The following SESN1 variants were observed in gnomAD, a reference collection of about 807,000 sequenced individuals.
The protein encoded by SESN1 is sestrin-1.
Under a neutral mutation model 59.3 loss-of-function variants are expected in SESN1, and 30 were observed. The observed-to-expected ratio is 0.51, with a 90% CI of 0.38 to 0.69. The LOEUF is 0.69. Among genes scored for constraint, SESN1 ranks in the 30% least tolerant of loss-of-function variants. SESN1 has a pLI of 0.00. For missense variants in SESN1, 566 were observed against 673.0 expected (o/e 0.84, Z 1.76); for synonymous variants, 197 against 219.9 (o/e 0.90, Z 0.92).
intron 1 of SESN1, among the ~76,000 whole-genome samples, chr6:109,013,687 AT>A (rs1779893189): frequency 1.3e-5 from 2 of 152,254 alleles, no homozygotes; most frequent in Non-Finnish European, 2.9e-5. Flanking sequence ...GTTAGAAAAC[AT>A]ACAGTAATGG....
chr6:109,066,487 T>C (rs1780828553), intron 1 of SESN1, among the ~76,000 whole-genome samples: 1 of 152,170 alleles, frequency 6.6e-6, no homozygotes, highest in African/African-American at 2.4e-5. Context: ...GTGGGTCTAC[T>C]CTATTTCCCT....
intron 1 of SESN1, among the ~76,000 whole-genome samples, chr6:109,057,040 G>A (rs1262776997): frequency 1.3e-5 from 2 of 152,098 alleles, no homozygotes; most frequent in African/African-American, 4.8e-5. Flanking sequence ...AGATCCCTAT[G>A]GTAAGGAACT....
intron 1 of SESN1, among the ~76,000 whole-genome samples, chr6:109,086,350 T>C (rs1781213562): frequency 6.6e-6 from 1 of 152,050 alleles, no homozygotes; most frequent in Non-Finnish European, 1.5e-5. Context: ...AGACTCCATC[T>C]CAAAAAACAA....
At chr6:109,093,276 G>A (rs1484099866) in intron 1 of SESN1, among the ~76,000 whole-genome samples, 1 of 152,106 alleles carries the variant, frequency 6.6e-6, no homozygotes, top group Non-Finnish European at 1.5e-5. Context: ...TCAACATGAA[G>A]ATATTAGCTT....
chr6:109,091,618 T>C (rs1562478875), intron 1 of SESN1, among the ~76,000 whole-genome samples: 1 of 152,246 alleles, frequency 6.6e-6, no homozygotes, highest in Non-Finnish European at 1.5e-5. Context: ...GTAATATTTA[T>C]TCATTTATCA....
At chr6:109,056,234 T>G (rs1463057198) in intron 1 of SESN1, among the ~76,000 whole-genome samples, 1 of 152,128 alleles carries the variant, frequency 6.6e-6, no homozygotes. Context: ...TAGGGAGACC[T>G]CATCTTTACA....
chr6:108,999,693 G>T (rs539803344), intron 4 of SESN1, among the ~76,000 whole-genome samples: 9 of 152,206 alleles, frequency 5.9e-5, no homozygotes, highest in African/African-American at 2.2e-4. Flanking sequence ...AACTGATACT[G>T]CCCTTTGGAA....
chr6:109,043,054 T>C (rs1269822351), intron 1 of SESN1, among the ~76,000 whole-genome samples: 2 of 152,140 alleles, frequency 1.3e-5, no homozygotes, highest in Non-Finnish European at 2.9e-5. Context: ...TGAAAATCAA[T>C]GCAATCTACC....
intron 1 of SESN1, among the ~76,000 whole-genome samples, chr6:109,018,074 T>G (rs1453621262): frequency 6.6e-6 from 1 of 152,214 alleles, no homozygotes; most frequent in East Asian, 1.9e-4. Context: ...GTTCTATGCT[T>G]TCAGCTAACT....
chr6:109,090,793 G>C (rs1218536744), intron 1 of SESN1: 1 of 152,222 alleles, frequency 6.6e-6, no homozygotes, highest in Non-Finnish European at 1.5e-5. Flanking sequence ...TTTGAAACAG[G>C]GTTTTGCTCT....
At chr6:108,994,913 C>A (rs1779472473) in intron 5 of SESN1, among the ~76,000 whole-genome samples, 3 of 152,018 alleles carry the variant, frequency 2.0e-5, no homozygotes, top group Non-Finnish European at 4.4e-5. Context: ...CCGTGTTAGC[C>A]AGGAATGGTC....
chr6:109,029,826 C>T (rs555887987), intron 1 of SESN1, among the ~76,000 whole-genome samples: 6 of 152,224 alleles, frequency 3.9e-5, no homozygotes, highest in African/African-American at 7.2e-5. Flanking sequence ...GCCATCACAC[C>T]CAGCTGCTGT....
chr6:109,076,601 G>A (rs1434636163), intron 1 of SESN1, among the ~76,000 whole-genome samples: 1 of 151,946 alleles, frequency 6.6e-6, no homozygotes, highest in Non-Finnish European at 1.5e-5. Flanking sequence ...AGATAAAAGG[G>A]GGCCACAAAA....
At chr6:109,043,122 AT>A (rs1460770021) in intron 1 of SESN1, among the ~76,000 whole-genome samples, 1 of 152,188 alleles carries the variant, frequency 6.6e-6, no homozygotes, top group Admixed American at 6.5e-5. Flanking sequence ...GCAGAAAAAC[AT>A]TTGAGTAAAT....
At chr6:109,021,907 T>C (rs1233905587) in intron 1 of SESN1, among the ~76,000 whole-genome samples, 1 of 152,234 alleles carries the variant, frequency 6.6e-6, no homozygotes. Context: ...ATCCAAATAT[T>C]ACTGAAAGTT....
intron 1 of SESN1, among the ~76,000 whole-genome samples, chr6:109,070,718 T>C (rs1780919636): frequency 6.6e-6 from 1 of 152,202 alleles, no homozygotes. Flanking sequence ...ATTTTAGTGG[T>C]TCTCTATTAC....
At position 108,987,591 on chromosome 6, in the gene SESN1, C is replaced by G; in HGVS notation, c.1609G>C (p.Ala537Pro). The G allele has an allele frequency of 6.2e-7, 1 of 1,605,102 alleles. No homozygotes were observed. Among genetic ancestry groups the G allele is most frequent in the Non-Finnish European group, 8.5e-7 (1 of 1,172,692 alleles). ...GCTCTCAGAGCATAAAGGAGTTCTG[C>G]TTGCATCCTAGCTTCTATAAGAAGC... ...NLLLIEARMQAELLYALRAIT... is the reference protein window; with the variant it reads ...NLLLIEARMQPELLYALRAIT... The change falls in exon 10 of 10, where the codon GCA (alanine) becomes CCA (proline). Residue 537 changes from alanine to proline, a missense_variant. Ala to Pro is a conservative substitution (Grantham distance 27). Coordinates refer to ENST00000436639, the MANE Select transcript of SESN1 (RefSeq NM_014454.3).
chr6:109,002,604 G>T (rs776178911), intron 1 of SESN1, among the ~76,000 whole-genome samples: 7 of 152,114 alleles, frequency 4.6e-5, no homozygotes, highest in Non-Finnish European at 1.0e-4. Flanking sequence ...AGAAAGTCTA[G>T]AACAGAAAGT....
At chr6:109,056,273 A>G (rs1270655652) in intron 1 of SESN1, among the ~76,000 whole-genome samples, 1 of 152,114 alleles carries the variant, frequency 6.6e-6, no homozygotes, top group Non-Finnish European at 1.5e-5. Context: ...GAGGCATGGT[A>G]GCGTACACCT....
Sources: allele counts gnomAD v4.1 joint callset (sites outside exome capture counted in the v4.1 genomes callset), GRCh38; gene constraint gnomAD v4.1.1; transcripts MANE v1.5; gene names NCBI Gene and HGNC (gene_info 2026-07-23, HGNC 2026-07-21).